Variants in FRMD4A observed in about 807,000 individuals in gnomAD.
FRMD4A encodes the protein FERM domain-containing protein 4A.
Under a neutral mutation model 129.1 loss-of-function variants are expected in FRMD4A, and 29 were observed. The ratio of observed to expected loss-of-function variants is 0.22; its 90% CI spans 0.17 to 0.31. The LOEUF (loss-of-function observed/expected upper bound fraction) is 0.31, where lower values mean the gene tolerates loss of function less well. FRMD4A is among the 10% of genes least tolerant of loss of function. The probability of loss-of-function intolerance (pLI) is 1.00; values close to 1 mark genes in which losing one functional copy is unlikely to be tolerated. For synonymous variants in FRMD4A, 634 were observed against 571.6 expected (o/e 1.11, Z -1.56); for missense variants, 1,272 against 1,375.8 (o/e 0.92, Z 1.19).
chr10:14,217,837 T>A (rs1428731863), intron 2 of FRMD4A, among the ~76,000 whole-genome samples: 2 of 152,038 alleles, frequency 1.3e-5, no homozygotes, highest in Non-Finnish European at 2.9e-5. Flanking sequence ...TCTCTCTTTT[T>A]TTTTTTGCTT....
At chr10:13,782,009 A>G (rs10906480) in intron 6 of FRMD4A, among the ~76,000 whole-genome samples, 103,235 of 151,960 alleles carry the variant, frequency 0.68, 35,531 homozygotes, top group East Asian at 0.91. Context: ...TGAAGGGTGC[A>G]CCAAATTCTC....
chr10:14,063,236 G>A (rs1834899199), intron 2 of FRMD4A, among the ~76,000 whole-genome samples: 1 of 151,650 alleles, frequency 6.6e-6, no homozygotes, highest in Non-Finnish European at 1.5e-5. Context: ...ACTCCCAGAA[G>A]TTATGTTTAG....
chr10:13,945,135 A>G (rs1231136749), intron 2 of FRMD4A, among the ~76,000 whole-genome samples: 1 of 152,254 alleles, frequency 6.6e-6, no homozygotes, highest in East Asian at 1.9e-4. Flanking sequence ...GACTAGTGCC[A>G]AACTTAGAAA....
intron 2 of FRMD4A, among the ~76,000 whole-genome samples, chr10:14,019,690 TA>T (rs2059661388): frequency 6.6e-6 from 1 of 152,206 alleles, no homozygotes; most frequent in South Asian, 2.1e-4. Context: ...AGGATCAATA[TA>T]AACAGGGGAT....
At chr10:14,201,310 G>A (rs1294623585) in intron 2 of FRMD4A, among the ~76,000 whole-genome samples, 1 of 152,140 alleles carries the variant, frequency 6.6e-6, no homozygotes, top group Non-Finnish European at 1.5e-5. Flanking sequence ...AAGTTACCCA[G>A]TTAGCAATGA....
rs375227758 is a variant in FRMD4A at position 14,252,018 on chromosome 10, C to T, written c.45+78040G>A. 2.0e-5 allele frequency among the ~76,000 whole-genome samples: 3 copies of T among 152,196 alleles called. No individual in the cohort carries two copies. The South Asian group carries it at 6.2e-4, about 32-fold the overall frequency. On this transcript the variant is annotated intron_variant, in intron 2 of 24. Coordinates refer to ENST00000357447, the MANE Select transcript of FRMD4A (RefSeq NM_018027.5). Reference sequence around the variant, plus strand: ...TAGTATCATACTATGTATTTTTAAGCTTTAAAATTTTATTGCATATATTTT... The same window carrying T: ...TAGTATCATACTATGTATTTTTAAGTTTTAAAATTTTATTGCATATATTTT...
chr10:14,104,210 G>T (rs1271891815), intron 2 of FRMD4A, among the ~76,000 whole-genome samples: 1 of 150,584 alleles, frequency 6.6e-6, no homozygotes, highest in African/African-American at 2.4e-5. Context: ...TGCCATGGGG[G>T]TTACACTGCC....
At chr10:13,866,281 CG>C (rs1564937026) in intron 2 of FRMD4A, 1 of 982,820 alleles carries the variant, frequency 1.0e-6, no homozygotes. Flanking sequence ...ACGTCTTCCC[CG>C]AGCACAGTCC....
At chr10:13,676,187 A>G (rs1480240889) in intron 15 of FRMD4A, among the ~76,000 whole-genome samples, 1 of 152,100 alleles carries the variant, frequency 6.6e-6, no homozygotes, top group Non-Finnish European at 1.5e-5. Flanking sequence ...AAGCTATTGT[A>G]CTTTTTCTAC....
At chr10:14,233,727 A>G (rs7068964) in intron 2 of FRMD4A, among the ~76,000 whole-genome samples, 59,814 of 152,166 alleles carry the variant, frequency 0.39, 12,600 homozygotes, top group Non-Finnish European at 0.46. Flanking sequence ...CTTCCTTACA[A>G]AAGAATGCGC....
chr10:13,988,890 C>T (rs866924622), intron 2 of FRMD4A, among the ~76,000 whole-genome samples: 1 of 152,160 alleles, frequency 6.6e-6, no homozygotes, highest in East Asian at 1.9e-4. Flanking sequence ...CCTCAAAATG[C>T]CCTTTATAGG....
intron 2 of FRMD4A, among the ~76,000 whole-genome samples, chr10:14,301,114 G>T: frequency 6.6e-6 from 1 of 152,156 alleles, no homozygotes; most frequent in East Asian, 1.9e-4. Context: ...AGATTCTCTG[G>T]TTGACATATT....
At chr10:13,761,387 G>A (rs1462648627) in intron 8 of FRMD4A, among the ~76,000 whole-genome samples, 1 of 152,200 alleles carries the variant, frequency 6.6e-6, no homozygotes, top group Non-Finnish European at 1.5e-5. Context: ...AGGACAATGG[G>A]CATGTGTGAC....
At chr10:13,939,645 C>T (rs2095275737) in intron 2 of FRMD4A, among the ~76,000 whole-genome samples, 2 of 152,148 alleles carry the variant, frequency 1.3e-5, no homozygotes, top group Admixed American at 6.5e-5. Context: ...GCAGGCATGA[C>T]TAAATATAGA....
Position 13,804,466 on chromosome 10 carries a change from C to T in FRMD4A, c.206+6348G>A, listed in dbSNP as rs115107494. Among the ~76,000 whole-genome samples, 797 of 152,222 alleles carry T rather than the reference C, an allele frequency of 5.2e-3. 9 individuals are homozygous for T. Among genetic ancestry groups the T allele is most frequent in the African/African-American group, 0.016 (671 of 41,520 alleles). ...GACAGCACAGACCCAAGCTCGCTCC[C>T]GTGCACCAGCCTTCCTGGCAGTGGT... On this transcript the variant is annotated intron_variant, in intron 4 of 24. Transcript: ENST00000357447.
intron 2 of FRMD4A, among the ~76,000 whole-genome samples, chr10:13,961,972 T>C (rs1411865996): frequency 6.6e-6 from 1 of 152,110 alleles, no homozygotes; most frequent in Non-Finnish European, 1.5e-5. Flanking sequence ...CTCCAGAACT[T>C]TGCTCAATGT....
chr10:14,198,983 AATT>A (rs1269338933), intron 2 of FRMD4A, among the ~76,000 whole-genome samples: 11 of 152,120 alleles, frequency 7.2e-5, no homozygotes, highest in African/African-American at 2.7e-4. Flanking sequence ...AGTACATGAT[AATT>A]ATTATTATTT....
intron 2 of FRMD4A, among the ~76,000 whole-genome samples, chr10:14,256,747 C>G (rs1844627352): frequency 6.6e-6 from 1 of 152,030 alleles, no homozygotes; most frequent in African/African-American, 2.4e-5. Flanking sequence ...CTTTGTGTGG[C>G]CAAGGTATAA....
intron 2 of FRMD4A, among the ~76,000 whole-genome samples, chr10:14,135,671 A>G (rs1001015940): frequency 6.6e-6 from 1 of 152,280 alleles, no homozygotes; most frequent in Non-Finnish European, 1.5e-5. Context: ...AGAAAAACAT[A>G]TATGACTATG....
Sources: allele counts gnomAD v4.1 joint callset (sites outside exome capture counted in the v4.1 genomes callset), GRCh38; gene constraint gnomAD v4.1.1; transcripts MANE v1.5; gene names NCBI Gene and HGNC (gene_info 2026-07-23, HGNC 2026-07-21).